Variants in KLF12 observed in about 807,000 individuals in gnomAD.
KLF12 encodes the protein KLF transcription factor 12.
In KLF12, 9 loss-of-function variants were observed where a neutral mutation model predicts 37.8. The ratio of observed to expected loss-of-function variants is 0.24; its 90% CI spans 0.14 to 0.42. The LOEUF is 0.42. Ranked by LOEUF, KLF12 falls within the 10% of genes least tolerant of loss-of-function variation. The pLI, the probability that KLF12 is intolerant of heterozygous loss-of-function variation, is 1.00. For missense variants in KLF12, 411 were observed against 516.0 expected, an observed-to-expected ratio of 0.80 and a Z score of 1.97; for synonymous variants, 208 against 202.1, an observed-to-expected ratio of 1.03 and a Z score of -0.25.
chr13:74,020,547 T>C (rs1892815830), intron 1 of KLF12, among the ~76,000 whole-genome samples: 1 of 151,910 alleles, frequency 6.6e-6, no homozygotes, highest in Non-Finnish European at 1.5e-5. Context: ...TACAATCAGG[T>C]AGAAATAGAG....
chr13:74,175,237 G>A, the KLF12 span, among the ~76,000 whole-genome samples: 1 of 152,276 alleles, frequency 6.6e-6, no homozygotes, highest in Middle Eastern at 3.4e-3. Flanking sequence ...CCCAAGGGAG[G>A]CTGCAAAAAT....
At chr13:74,287,349 T>TGAGAGAGAGAGAGAGAGAGAGA in the KLF12 span, among the ~76,000 whole-genome samples, 810 of 71,834 alleles carry the variant, frequency 0.011, 73 homozygotes, top group African/African-American at 0.015. Flanking sequence ...CTATCAAAGT[T>TGAGAGAGAGAGAGAGAGAGAGA]GAGAGAGAGA....
intron 2 of KLF12, among the ~76,000 whole-genome samples, chr13:73,948,045 A>T (rs577091361): frequency 1.1e-4 from 17 of 152,282 alleles, no homozygotes; most frequent in African/African-American, 3.1e-4. Context: ...TAAATACAGG[A>T]AATATGATAT....
At chr13:73,969,236 T>A (rs1170137774) in intron 2 of KLF12, among the ~76,000 whole-genome samples, 1 of 152,160 alleles carries the variant, frequency 6.6e-6, no homozygotes, top group Non-Finnish European at 1.5e-5. Context: ...AGGCAATGAC[T>A]GGATAATCAA....
At chr13:74,134,616 A>T (rs1014529055), upstream of KLF12, among the ~76,000 whole-genome samples, 6 of 146,482 alleles carry the variant, frequency 4.1e-5, no homozygotes, top group Non-Finnish European at 6.0e-5. Context: ...TTGCTGCGGC[A>T]CCCCAAATAA....
intron 3 of KLF12, among the ~76,000 whole-genome samples, chr13:73,899,306 T>C (rs1887931457): frequency 6.6e-6 from 1 of 152,196 alleles, no homozygotes; most frequent in Non-Finnish European, 1.5e-5. Flanking sequence ...GTGTATCTCA[T>C]TGCTGCCTTC....
chr13:73,835,313 C>G (rs564828290), intron 4 of KLF12, among the ~76,000 whole-genome samples: 1 of 152,204 alleles, frequency 6.6e-6, no homozygotes, highest in East Asian at 1.9e-4. Flanking sequence ...TCTTTCAGTT[C>G]ATGTCATTTT....
At chr13:74,153,176 C>T in the KLF12 span, among the ~76,000 whole-genome samples, 2 of 151,896 alleles carry the variant, frequency 1.3e-5, no homozygotes, top group Non-Finnish European at 2.9e-5. Context: ...TGTAAGAGCT[C>T]CCAGTCTTCT....
At chr13:73,810,837 C>T (rs747964328) in intron 5 of KLF12, among the ~76,000 whole-genome samples, 1 of 151,948 alleles carries the variant, frequency 6.6e-6, no homozygotes, top group African/African-American at 2.4e-5. Flanking sequence ...CTGTGCTGAC[C>T]GTGGTGAGTC....
chr13:74,065,221 C>T (rs1005960519), intron 1 of KLF12, among the ~76,000 whole-genome samples: 5 of 67,060 alleles, frequency 7.5e-5, no homozygotes, highest in South Asian at 2.1e-3. Flanking sequence ...CACACACACA[C>T]ACATGTATAT....
In KLF12 at chr13:73,866,848, A is replaced by G. The variant is rs150942528; in HGVS notation, c.124-20475T>C. 8.3e-3 allele frequency among the ~76,000 whole-genome samples: 1,261 copies of G among 151,224 alleles called. 60 individuals are homozygous for G. The highest frequency in any genetic ancestry group is 0.07 in the Admixed American group (1,061 of 15,162). On this transcript the variant is annotated intron_variant, in intron 3 of 7. Coordinates refer to ENST00000377669, the MANE Select transcript of KLF12 (RefSeq NM_007249.5). ...TAGGCTAATAATATACTGTCTTAAC[A>G]ATAATTATATTTTGAGGTTTAAAAT... is the stretch of plus-strand genomic sequence containing the variant.
chr13:73,796,517 G>GTC (rs1881979169), intron 5 of KLF12, among the ~76,000 whole-genome samples: 1 of 110,658 alleles, frequency 9.0e-6, no homozygotes, highest in South Asian at 2.8e-4. Flanking sequence ...CTGTGTGTGT[G>GTC]TGTGTGTGTG....
intron 3 of KLF12, 49 bp downstream of exon 3, chr13:73,943,932 T>A (rs1247470583): frequency 2.7e-6 from 3 of 1,121,936 alleles, no homozygotes; most frequent in Non-Finnish European, 4.1e-6. Flanking sequence ...TGCAGAAGAA[T>A]GCCACTCTCA....
At chr13:73,722,707 A>C (rs1876358509) in intron 6 of KLF12, among the ~76,000 whole-genome samples, 1 of 152,236 alleles carries the variant, frequency 6.6e-6, no homozygotes, top group Non-Finnish European at 1.5e-5. Context: ...AAAATGTATA[A>C]ATCAAGAGAA....
intron 5 of KLF12, among the ~76,000 whole-genome samples, chr13:73,788,095 ACTTTT>A (rs933750426): frequency 2.3e-4 from 35 of 152,242 alleles, no homozygotes; most frequent in African/African-American, 7.9e-4. Flanking sequence ...TCAATAAGAC[ACTTTT>A]CTTTGATGAC....
intron 7 of KLF12, 60 bp from the exon 8 acceptor site, chr13:73,695,731 G>A: frequency 1.3e-6 from 2 of 1,486,686 alleles, no homozygotes; most frequent in South Asian, 2.4e-5. Flanking sequence ...CCATAACCAG[G>A]CCAGTACTCT....
chr13:74,251,177 A>T, the KLF12 span, among the ~76,000 whole-genome samples: 1 of 151,838 alleles, frequency 6.6e-6, no homozygotes, highest in Non-Finnish European at 1.5e-5. Context: ...TTTGAGATGG[A>T]GTCTAATTCT....
chr13:73,900,587 A>G (rs1288479602), intron 3 of KLF12, among the ~76,000 whole-genome samples: 3 of 152,102 alleles, frequency 2.0e-5, no homozygotes, highest in Non-Finnish European at 4.4e-5. Flanking sequence ...GAAAAATCCC[A>G]TTAAGTACAT....
intron 2 of KLF12, among the ~76,000 whole-genome samples, chr13:73,955,742 C>T (rs573221744): frequency 2.0e-5 from 3 of 152,198 alleles, no homozygotes; most frequent in African/African-American, 7.2e-5. Flanking sequence ...AAGTTATCCA[C>T]AAAGTGGCCT....
Sources: allele counts gnomAD v4.1 joint callset (sites outside exome capture counted in the v4.1 genomes callset), GRCh38; gene constraint gnomAD v4.1.1; transcripts MANE v1.5; gene names NCBI Gene and HGNC (gene_info 2026-07-23, HGNC 2026-07-21).